HIRA: variants seen among roughly 807,000 people sequenced by gnomAD.
The protein encoded by HIRA is histone cell cycle regulator, also known as protein HIRA.
Under a neutral mutation model 126.6 loss-of-function variants are expected in HIRA, and 13 were observed. That is an observed-to-expected ratio of 0.10 (90% CI 0.07 to 0.16). HIRA has a LOEUF of 0.16. HIRA is among the 10% of genes least tolerant of loss of function. The pLI is 1.00. For missense variants in HIRA, 834 were observed against 1,314.4 expected (o/e 0.63, Z 5.65); for synonymous variants, 511 against 520.0 (o/e 0.98, Z 0.24).
At chr22:19,353,287 G>A (rs1453975067) in intron 23 of HIRA, 69 bp downstream of exon 23, 4 of 1,572,608 alleles carry the variant, frequency 2.5e-6, no homozygotes, top group Non-Finnish European at 3.5e-6. Flanking sequence ...ATTTCACAGG[G>A]ACTAAGTGAG....
At chr22:19,406,659 G>T (rs1470806358) in intron 4 of HIRA, among the ~76,000 whole-genome samples, 1 of 152,224 alleles carries the variant, frequency 6.6e-6, no homozygotes, top group African/African-American at 2.4e-5. Context: ...CACTCTTGGT[G>T]AGCAATGGTG....
intron 1 of HIRA, among the ~76,000 whole-genome samples, chr22:19,420,469 A>AC (rs1569314083): frequency 7.6e-6 from 1 of 131,478 alleles, no homozygotes; most frequent in African/African-American, 2.6e-5. Context: ...TCTCAAAAAA[A>AC]AAAAAAAAAA....
Position 19,394,499 on chromosome 22 carries a change from G to A in HIRA, c.665C>T (p.Thr222Met), listed in dbSNP as rs1157533113. ...CCAGCTGAGCCGCAACACATGGGTC[G>A]TTCCTCCACACTGAAAGAAGCATCT... ...ITKPFDECGG[T>M]THVLRLSWSP... is the part of the protein sequence containing the mutation. Residue 222 changes from threonine (T) to methionine (M), a missense_variant, in exon 8 of 25, where the codon ACG becomes ATG. Coordinates refer to ENST00000263208, the MANE Select transcript of HIRA (RefSeq NM_003325.4). The A allele has an allele frequency of 6.2e-7, 1 of 1,613,802 alleles. No individual in the cohort carries two copies. The highest frequency in any genetic ancestry group is 8.5e-7 in the Non-Finnish European group (1 of 1,179,910).
intron 1 of HIRA, among the ~76,000 whole-genome samples, chr22:19,414,998 T>C (rs1038744194): frequency 6.6e-6 from 1 of 152,042 alleles, no homozygotes; most frequent in Non-Finnish European, 1.5e-5. Flanking sequence ...CAGGCTGGAG[T>C]GCAGTAACGC....
intron 7 of HIRA, among the ~76,000 whole-genome samples, chr22:19,396,379 G>A (rs922337339): frequency 2.0e-5 from 3 of 152,150 alleles, no homozygotes; most frequent in Non-Finnish European, 2.9e-5. Context: ...AGCTAGGTGT[G>A]GTGGTGGGCA....
chr22:19,431,147 C>T (rs767925302), intron 1 of HIRA, among the ~76,000 whole-genome samples: 1 of 152,206 alleles, frequency 6.6e-6, no homozygotes, highest in Admixed American at 6.5e-5. Flanking sequence ...CACCAAGGCC[C>T]GCTCCTGGGA....
At chr22:19,337,128 G>A (rs1192530913) in intron 24 of HIRA, among the ~76,000 whole-genome samples, 2 of 151,486 alleles carry the variant, frequency 1.3e-5, no homozygotes, top group Non-Finnish European at 2.9e-5. Flanking sequence ...ACAGGGTCTC[G>A]CTCTGTTGTC....
In HIRA at chr22:19,345,913, C is replaced by G. The variant is rs145403996; in HGVS notation, c.2937+5445G>C. ...AAGGATCCTTGAAGTTGAAAGAAATCTGAACCTTTGGTGTCCCTGTGGTGC... is the reference window on the plus strand; with the variant it reads ...AAGGATCCTTGAAGTTGAAAGAAATGTGAACCTTTGGTGTCCCTGTGGTGC... On this transcript the variant is annotated intron_variant, in intron 24 of 24. Coordinates refer to ENST00000263208, the MANE Select transcript of HIRA (RefSeq NM_003325.4). 1.3e-3 allele frequency among the ~76,000 whole-genome samples: 198 copies of G among 152,364 alleles called. 1 individual carries two copies. Among genetic ancestry groups the G allele is most frequent in the African/African-American group, 4.5e-3 (187 of 41,580 alleles).
chr22:19,425,332 G>C (rs2089480560), intron 1 of HIRA, among the ~76,000 whole-genome samples: 1 of 152,198 alleles, frequency 6.6e-6, no homozygotes, highest in Admixed American at 6.5e-5. Flanking sequence ...GGTCCCCAGG[G>C]CTCATTCCAT....
At chr22:19,430,930 G>C (rs1351360788) in intron 1 of HIRA, among the ~76,000 whole-genome samples, 1 of 152,122 alleles carries the variant, frequency 6.6e-6, no homozygotes, top group African/African-American at 2.4e-5. Flanking sequence ...GGGGCCCGGG[G>C]CCCCCAAACC....
intron 12 of HIRA, among the ~76,000 whole-genome samples, chr22:19,384,040 C>G (rs923237500): frequency 3.9e-5 from 6 of 152,108 alleles, no homozygotes; most frequent in African/African-American, 1.2e-4. Context: ...TCAGGCAGGC[C>G]AGGCACGGTG....
rs906945214 is a variant in HIRA at position 19,355,670 on chromosome 22, G to C, written c.2561+90C>G. Reference sequence around the variant, plus strand: ...CTGACTCTCAGGAAAAGCAGGGCTAGGCAGCCCTGTAGGCCACGACCCTTT... The same window carrying C: ...CTGACTCTCAGGAAAAGCAGGGCTACGCAGCCCTGTAGGCCACGACCCTTT... On this transcript the variant is annotated intron_variant, in intron 21 of 24. Transcript: ENST00000263208. 5 of 877,060 alleles carry C rather than the reference G, an allele frequency of 5.7e-6. No individual in the cohort carries two copies. The African/African-American group carries it at 6.6e-5, about 12-fold the overall frequency. 54.3% of individuals were successfully genotyped at this position (877,060 alleles called of 1,614,324 possible).
chr22:19,374,652 G>A (rs2089000697), intron 15 of HIRA, among the ~76,000 whole-genome samples: 1 of 152,156 alleles, frequency 6.6e-6, no homozygotes. Context: ...AAGCCCCAGA[G>A]GTAGCATGCT....
chr22:19,373,368 A>T (rs968143279), intron 15 of HIRA, among the ~76,000 whole-genome samples: 2 of 152,214 alleles, frequency 1.3e-5, no homozygotes, highest in African/African-American at 4.8e-5. Flanking sequence ...ACAGGTTTAT[A>T]GAAACCTAAG....
intron 5 of HIRA, among the ~76,000 whole-genome samples, chr22:19,401,742 TCAC>T (rs2089270086): frequency 6.6e-6 from 1 of 152,176 alleles, no homozygotes; most frequent in African/African-American, 2.4e-5. Context: ...TGATCACTTC[TCAC>T]CACTTCTGTG....
chr22:19,359,534 G>A, intron 17 of HIRA, 50 bp from the exon 18 acceptor site: 1 of 1,494,130 alleles, frequency 6.7e-7, no homozygotes, highest in South Asian at 1.3e-5. Context: ...CGCAGCCCAG[G>A]TGACATGCTC....
chr22:19,353,395 G>A lies in HIRA; in HGVS notation c.2809C>T (p.His937Tyr), dbSNP rs782319516. ...TACCGTGCGTAGACGAGGAGCCAATGGCGGTACTCGTGGCTGGACTGCAGG... is the reference window on the plus strand; with the variant it reads ...TACCGTGCGTAGACGAGGAGCCAATAGCGGTACTCGTGGCTGGACTGCAGG... ...LTLQSSHEYR[H>Y]WLLVYARYLV... The change falls in exon 23 of 25, where the codon CAT (histidine) becomes TAT (tyrosine). Residue 937 changes from histidine to tyrosine, a missense_variant. By Grantham distance (83) the His-to-Tyr change is moderately conservative. Transcript: ENST00000263208. The A allele has an allele frequency of 6.2e-7, 1 of 1,613,080 alleles. No homozygotes were observed. The highest frequency in any genetic ancestry group is 1.1e-5 in the South Asian group (1 of 91,016).
chr22:19,351,304 C>A lies in HIRA; in HGVS notation c.2937+54G>T. 3 of 1,571,226 alleles carry A rather than the reference C, an allele frequency of 1.9e-6. No individual in the cohort carries two copies. The highest frequency in any genetic ancestry group is 2.6e-6 in the Non-Finnish European group (3 of 1,162,428). ...CACTTTGGCTTATTTAAAAAATCTC[C>A]ACCTTCATGTTTCAAGAAAGAATTC... On this transcript the variant is annotated intron_variant, in intron 24 of 24. Coordinates refer to ENST00000263208, the MANE Select transcript of HIRA (RefSeq NM_003325.4). The surrounding 1 kb of genome is among the most constrained non-coding windows in gnomAD (Gnocchi z 4.8).
intron 1 of HIRA, among the ~76,000 whole-genome samples, chr22:19,428,004 A>C (rs1172536361): frequency 2.0e-5 from 3 of 152,230 alleles, no homozygotes; most frequent in Non-Finnish European, 4.4e-5. Flanking sequence ...AATAACTGAC[A>C]CATCTTCTAT....
Sources: allele counts gnomAD v4.1 joint callset (sites outside exome capture counted in the v4.1 genomes callset), GRCh38; gene constraint gnomAD v4.1.1; non-coding constraint Gnocchi (gnomAD v3.1); transcripts MANE v1.5; gene names NCBI Gene and HGNC (gene_info 2026-07-23, HGNC 2026-07-21).